Variants in RHCE observed in about 807,000 individuals in gnomAD.
The protein encoded by RHCE is blood group Rh(CE) polypeptide.
RHCE carries 22 observed loss-of-function variants against 43.8 expected under a neutral mutation model. The observed-to-expected ratio is 0.50, with a 90% CI of 0.36 to 0.72. The LOEUF (loss-of-function observed/expected upper bound fraction) is 0.72, where lower values mean the gene tolerates loss of function less well. RHCE is among the 30% of genes least tolerant of loss of function. The pLI, the probability that RHCE is intolerant of heterozygous loss-of-function variation, is 0.00. For synonymous variants in RHCE, 156 were observed against 210.7 expected (o/e 0.74, Z 2.25); for missense variants, 385 against 525.4 (o/e 0.73, Z 2.61).
intron 4 of RHCE, among the ~76,000 whole-genome samples, chr1:25,391,241 G>A (rs551508512): frequency 1.3e-5 from 2 of 152,166 alleles, no homozygotes; most frequent in African/African-American, 4.8e-5. Flanking sequence ...CTGGAGTGCA[G>A]TGGCGCGATC....
intron 3 of RHCE, among the ~76,000 whole-genome samples, chr1:25,400,182 C>T (rs1204882868): frequency 1.3e-5 from 2 of 152,186 alleles, no homozygotes; most frequent in African/African-American, 4.8e-5. Flanking sequence ...TTTCTCTGTT[C>T]CCCTTTAGAG....
chr1:25,375,465 C>T, intron 7 of RHCE, 37 bp from the exon 8 acceptor site: 2 of 1,611,168 alleles, frequency 1.2e-6, no homozygotes, highest in South Asian at 2.2e-5. Context: ...ACTTGGGCAT[C>T]AGGCAGCAGA....
chr1:25,406,250 C>CGTGTGTGT (rs35366666), intron 2 of RHCE, among the ~76,000 whole-genome samples: 1 of 117,030 alleles, frequency 8.5e-6, no homozygotes, highest in African/African-American at 2.7e-5. Flanking sequence ...TGCGTGCGTG[C>CGTGTGTGT]GTGTGTGTGT....
At chr1:25,376,053 A>C (rs1329373272) in intron 7 of RHCE, among the ~76,000 whole-genome samples, 1 of 151,984 alleles carries the variant, frequency 6.6e-6, no homozygotes, top group African/African-American at 2.4e-5. Flanking sequence ...GGCCTCCCAA[A>C]TTGCTGGGAT....
intron 3 of RHCE, among the ~76,000 whole-genome samples, chr1:25,397,496 TG>T (rs1646587555): frequency 7.3e-6 from 1 of 136,404 alleles, no homozygotes; most frequent in South Asian, 2.3e-4. Flanking sequence ...AAACTCCATC[TG>T]AAAAAAAAAA....
At chr1:25,412,787 G>A (rs1294417473) in intron 1 of RHCE, among the ~76,000 whole-genome samples, 22 of 151,404 alleles carry the variant, frequency 1.5e-4, no homozygotes, top group African/African-American at 4.6e-4. Context: ...CACTTTGGGA[G>A]GCTGAGGTGG....
intron 1 of RHCE, among the ~76,000 whole-genome samples, 164 bp downstream of exon 1, chr1:25,420,475 T>C (rs535855961): frequency 5.9e-5 from 9 of 152,254 alleles, no homozygotes; most frequent in African/African-American, 1.9e-4. Context: ...AAGGAAAGCT[T>C]ACATTGTTGA....
chr1:25,415,976 C>T (rs1242392545), intron 1 of RHCE, among the ~76,000 whole-genome samples: 1 of 151,944 alleles, frequency 6.6e-6, no homozygotes, highest in South Asian at 2.1e-4. Context: ...TACTAAATTT[C>T]CAGGAGATGC....
chr1:25,416,390 A>G (rs1363983350), intron 1 of RHCE, among the ~76,000 whole-genome samples: 1 of 151,838 alleles, frequency 6.6e-6, no homozygotes. Flanking sequence ...CAGCCTCCCA[A>G]GTAGCTGGGA....
chr1:25,416,271 AT>A (rs896319272), intron 1 of RHCE, among the ~76,000 whole-genome samples: 46 of 148,042 alleles, frequency 3.1e-4, no homozygotes, highest in African/African-American at 7.7e-4. Context: ...TTTTATTTTC[AT>A]TTTTTTTTTG....
Position 25,390,976 on chromosome 1 carries a change from G to A in RHCE, c.635-61C>T. ...CTCCTGCTCCAAAGGTCTGAGCCTC[G>A]AGGGGTTTTGGATGAGAATCCTAGG... is the stretch of plus-strand genomic sequence containing the variant. On this transcript the variant is annotated intron_variant, in intron 4 of 9. Coordinates refer to ENST00000294413, the MANE Select transcript of RHCE (RefSeq NM_020485.8). 9 of 1,611,004 alleles carry A rather than the reference G, an allele frequency of 5.6e-6. 1 individual carries two copies. In the Admixed American group the frequency reaches 6.7e-5, roughly 12 times the overall value.
intron 9 of RHCE, among the ~76,000 whole-genome samples, chr1:25,370,120 T>G (rs982290092): frequency 2.6e-5 from 4 of 151,688 alleles, no homozygotes; most frequent in African/African-American, 9.8e-5. Context: ...TGAGGTTTCT[T>G]CCAGCTTTTG....
Position 25,362,389 on chromosome 1 carries a change from A to T in RHCE, c.*138T>A. ...TTTTAGTCTTTAATTTTTTAATATC[A>T]AATCTGTCTCTGACCTTGTTTCATT... On this transcript the variant is annotated 3_prime_UTR_variant, in exon 10 of 10. Coordinates refer to ENST00000294413, the MANE Select transcript of RHCE (RefSeq NM_020485.8). The T allele has an allele frequency of 6.3e-7, 1 of 1,591,162 alleles. No individual in the cohort carries two copies. Among genetic ancestry groups the T allele is most frequent in the Non-Finnish European group, 8.6e-7 (1 of 1,168,094 alleles).
chr1:25,399,544 C>G (rs1646664231), intron 3 of RHCE, among the ~76,000 whole-genome samples: 1 of 151,200 alleles, frequency 6.6e-6, no homozygotes, highest in South Asian at 2.1e-4. Flanking sequence ...AGCATATGAT[C>G]AAACTTCCAT....
chr1:25,419,158 T>A (rs559416027), intron 1 of RHCE, among the ~76,000 whole-genome samples: 25 of 152,246 alleles, frequency 1.6e-4, no homozygotes, highest in Admixed American at 1.4e-3. Context: ...ACCCACCTCA[T>A]TGGGTTATTG....
At chr1:25,388,529 T>C (rs527992380) in intron 6 of RHCE, among the ~76,000 whole-genome samples, 3 of 150,744 alleles carry the variant, frequency 2.0e-5, no homozygotes, top group Admixed American at 2.0e-4. Flanking sequence ...GAATTTGGGA[T>C]TGGGGCCAAG....
intron 7 of RHCE, among the ~76,000 whole-genome samples, chr1:25,380,899 C>CTTTTT (rs898980956): frequency 2.3e-5 from 3 of 128,942 alleles, no homozygotes; most frequent in Non-Finnish European, 3.2e-5. Context: ...TTCTTTCTTC[C>CTTTTT]TTTTTTTTTT....
intron 8 of RHCE, among the ~76,000 whole-genome samples, chr1:25,373,723 T>C (rs1232046035): frequency 6.6e-6 from 1 of 151,810 alleles, no homozygotes; most frequent in South Asian, 2.1e-4. Flanking sequence ...TTACGCCATT[T>C]GTCTCTTATT....
At chr1:25,372,216 T>C (rs896330355) in intron 8 of RHCE, among the ~76,000 whole-genome samples, 4 of 151,746 alleles carry the variant, frequency 2.6e-5, no homozygotes, top group East Asian at 3.9e-4. Flanking sequence ...TGTGTTCTTG[T>C]GTCCAGTTTT....
Sources: allele counts gnomAD v4.1 joint callset (sites outside exome capture counted in the v4.1 genomes callset), GRCh38; gene constraint gnomAD v4.1.1; transcripts MANE v1.5; gene names NCBI Gene and HGNC (gene_info 2026-07-23, HGNC 2026-07-21).